Variants in NRXN3 observed in about 807,000 individuals in gnomAD.
NRXN3 encodes neurexin III.
A neutral mutation model predicts 137.6 loss-of-function variants in NRXN3; 32 were observed. The ratio of observed to expected loss-of-function variants is 0.23; its 90% CI spans 0.18 to 0.31. The LOEUF is 0.31. Ranked by LOEUF, NRXN3 falls within the 10% of genes least tolerant of loss-of-function variation. The pLI is 1.00. For synonymous variants in NRXN3, 798 were observed against 784.5 expected, an observed-to-expected ratio of 1.02 and a Z score of -0.29; for missense variants, 1,574 against 2,062.5, an observed-to-expected ratio of 0.76 and a Z score of 4.59.
chr14:78,954,222 T>G (rs182488029), intron 10 of NRXN3, among the ~76,000 whole-genome samples: 156 of 152,348 alleles, frequency 1.0e-3, no homozygotes, highest in Middle Eastern at 6.8e-3. Context: ...CTCTGTAGAA[T>G]GAGTTGACCT....
At chr14:78,823,726 G>T (rs2098957933) in intron 10 of NRXN3, among the ~76,000 whole-genome samples, 1 of 152,054 alleles carries the variant, frequency 6.6e-6, no homozygotes, top group Non-Finnish European at 1.5e-5. Context: ...TGCTGAGCAG[G>T]GTAGCTGAAT....
intron 18 of NRXN3, among the ~76,000 whole-genome samples, chr14:79,694,239 T>A (rs879552977): frequency 1.3e-5 from 2 of 151,910 alleles, no homozygotes; most frequent in Non-Finnish European, 2.9e-5. Context: ...AGATTTCCCA[T>A]CTGAGGACGG....
chr14:78,979,527 A>G (rs1035616196), intron 14 of NRXN3, among the ~76,000 whole-genome samples: 2 of 151,908 alleles, frequency 1.3e-5, no homozygotes, highest in African/African-American at 2.4e-5. Flanking sequence ...TTTTTTTCCT[A>G]TAAAACAATG....
At chr14:78,477,336 A>G (rs2095397935) in intron 4 of NRXN3, among the ~76,000 whole-genome samples, 1 of 152,204 alleles carries the variant, frequency 6.6e-6, no homozygotes, top group South Asian at 2.1e-4. Flanking sequence ...ACAGATGTAT[A>G]TGCAAAGATC....
At chr14:79,155,837 C>G (rs2060210752) in intron 15 of NRXN3, among the ~76,000 whole-genome samples, 1 of 151,710 alleles carries the variant, frequency 6.6e-6, no homozygotes, top group Non-Finnish European at 1.5e-5. Context: ...TGGAATGATT[C>G]AGTGTATTTT....
chr14:79,134,593 C>A (rs1025186327), intron 15 of NRXN3, among the ~76,000 whole-genome samples: 6 of 152,194 alleles, frequency 3.9e-5, no homozygotes, highest in African/African-American at 1.2e-4. Flanking sequence ...GCAGCAGCTG[C>A]TTTGAGACTT....
intron 2 of NRXN3, among the ~76,000 whole-genome samples, chr14:78,260,616 A>G (rs888856336): frequency 3.3e-5 from 5 of 152,176 alleles, no homozygotes; most frequent in Non-Finnish European, 7.3e-5. Context: ...GGTCTTTCCC[A>G]TGCTATTGTC....
intron 15 of NRXN3, among the ~76,000 whole-genome samples, chr14:79,362,240 G>C (rs1318139265): frequency 6.6e-6 from 1 of 151,770 alleles, no homozygotes; most frequent in Non-Finnish European, 1.5e-5. Context: ...ATGTTGGTGT[G>C]CTGCACCCAT....
intron 15 of NRXN3, among the ~76,000 whole-genome samples, chr14:79,388,197 C>T (rs1424876723): frequency 1.3e-5 from 2 of 152,082 alleles, no homozygotes; most frequent in African/African-American, 4.8e-5. Context: ...ACCAGCTCCC[C>T]CTTCACCTTC....
intron 4 of NRXN3, among the ~76,000 whole-genome samples, chr14:78,599,477 A>G (rs1171692983): frequency 6.6e-6 from 1 of 152,236 alleles, no homozygotes. Flanking sequence ...CCTTCGAGTG[A>G]CAATTTACCT....
At chr14:78,560,835 C>G (rs1472236943) in intron 4 of NRXN3, among the ~76,000 whole-genome samples, 1 of 152,186 alleles carries the variant, frequency 6.6e-6, no homozygotes, top group African/African-American at 2.4e-5. Context: ...TGGTCTTGTA[C>G]TACTATTTCC....
chr14:78,337,098 T>C (rs2081565387), intron 4 of NRXN3, among the ~76,000 whole-genome samples: 1 of 152,204 alleles, frequency 6.6e-6, no homozygotes, highest in Non-Finnish European at 1.5e-5. Flanking sequence ...GCACGCCTGG[T>C]GTCTGCCTCA....
intron 19 of NRXN3, among the ~76,000 whole-genome samples, chr14:79,786,804 G>A (rs779954779): frequency 2.0e-5 from 3 of 152,156 alleles, no homozygotes; most frequent in Non-Finnish European, 4.4e-5. Context: ...TATCTTAATG[G>A]ACTCAGAGGT....
chr14:79,159,876 T>C (rs527380916), intron 15 of NRXN3, among the ~76,000 whole-genome samples: 1 of 151,874 alleles, frequency 6.6e-6, no homozygotes, highest in Non-Finnish European at 1.5e-5. Flanking sequence ...AAATAGAAAT[T>C]TATGCATTTT....
intron 15 of NRXN3, among the ~76,000 whole-genome samples, chr14:79,285,960 A>G (rs1287908254): frequency 2.0e-5 from 3 of 151,886 alleles, no homozygotes; most frequent in Non-Finnish European, 2.9e-5. Context: ...GCAGAAAAAT[A>G]AAACTTCAGT....
intron 2 of NRXN3, among the ~76,000 whole-genome samples, chr14:78,278,263 A>T (rs2073901178): frequency 6.6e-6 from 1 of 152,086 alleles, no homozygotes; most frequent in African/African-American, 2.4e-5. Context: ...AAAGACGGGG[A>T]GGAGGAGGAT....
chr14:78,605,822 A>G (rs572725911), intron 4 of NRXN3, among the ~76,000 whole-genome samples: 1 of 152,336 alleles, frequency 6.6e-6, no homozygotes, highest in African/African-American at 2.4e-5. Flanking sequence ...CAAAGCTGCT[A>G]CATGTAAATA....
At chr14:79,241,440 A>G (rs937094392) in intron 15 of NRXN3, among the ~76,000 whole-genome samples, 1 of 152,176 alleles carries the variant, frequency 6.6e-6, no homozygotes, top group Non-Finnish European at 1.5e-5. Context: ...AAGAGAAGCA[A>G]AGGCACATCT....
At chr14:78,182,635 A>ATT (rs35716004) in intron 1 of NRXN3, among the ~76,000 whole-genome samples, 9 of 151,688 alleles carry the variant, frequency 5.9e-5, no homozygotes, top group African/African-American at 1.9e-4. Context: ...AGCCCAGCTG[A>ATT]TTTTTTTGTA....
Sources: allele counts gnomAD v4.1 joint callset (sites outside exome capture counted in the v4.1 genomes callset), GRCh38; gene constraint gnomAD v4.1.1; transcripts MANE v1.5; gene names NCBI Gene and HGNC (gene_info 2026-07-23, HGNC 2026-07-21).